Variants in SMOC2 observed in about 807,000 individuals in gnomAD.
SMOC2 encodes SPARC-related modular calcium-binding protein 2.
Under a neutral mutation model 61.4 loss-of-function variants are expected in SMOC2, and 39 were observed. That is an observed-to-expected ratio of 0.64 (90% CI 0.49 to 0.83). The LOEUF is 0.83. SMOC2 is among the 40% of genes least tolerant of loss of function. The probability of loss-of-function intolerance (pLI) is 0.00; values close to 1 mark genes in which losing one functional copy is unlikely to be tolerated. For missense variants in SMOC2, 556 were observed against 592.9 expected, an observed-to-expected ratio of 0.94 and a Z score of 0.65; for synonymous variants, 247 against 239.9, an observed-to-expected ratio of 1.03 and a Z score of -0.27.
intron 9 of SMOC2, among the ~76,000 whole-genome samples, chr6:168,634,364 A>G (rs1269173767): frequency 6.6e-6 from 1 of 152,220 alleles, no homozygotes; most frequent in Non-Finnish European, 1.5e-5. Flanking sequence ...ATTGCATGCG[A>G]TAATTGTGCA....
chr6:168,648,592 C>A (rs929128236), intron 9 of SMOC2, among the ~76,000 whole-genome samples: 1 of 152,314 alleles, frequency 6.6e-6, no homozygotes, highest in East Asian at 1.9e-4. Context: ...AGGGGATGTT[C>A]GATGAGACTG....
chr6:168,659,176 C>A (rs1411899476), intron 11 of SMOC2, among the ~76,000 whole-genome samples: 1 of 151,930 alleles, frequency 6.6e-6, no homozygotes, highest in Non-Finnish European at 1.5e-5. Context: ...ATCTATGTGT[C>A]CTACTATTTT....
chr6:168,487,835 G>A (rs1782371469), intron 1 of SMOC2, among the ~76,000 whole-genome samples: 1 of 152,096 alleles, frequency 6.6e-6, no homozygotes, highest in Non-Finnish European at 1.5e-5. Flanking sequence ...AACATACATG[G>A]CACACAATCT....
chr6:168,631,027 C>T (rs1407693535), intron 9 of SMOC2, among the ~76,000 whole-genome samples: 5 of 151,140 alleles, frequency 3.3e-5, no homozygotes, highest in Non-Finnish European at 7.4e-5. Flanking sequence ...CCTACACTTG[C>T]CTTGTGATAT....
At chr6:168,566,736 T>C (rs1456069272) in intron 7 of SMOC2, among the ~76,000 whole-genome samples, 1 of 152,158 alleles carries the variant, frequency 6.6e-6, no homozygotes, top group Non-Finnish European at 1.5e-5. Context: ...CTTGACCTCA[T>C]GATCTGCCCG....
chr6:168,466,757 T>C (rs1781843459), intron 1 of SMOC2, among the ~76,000 whole-genome samples: 1 of 152,148 alleles, frequency 6.6e-6, no homozygotes, highest in Non-Finnish European at 1.5e-5. Flanking sequence ...CCAAGGCCGG[T>C]GGAGGGAGGA....
chr6:168,609,493 G>A (rs1023885191), intron 9 of SMOC2, among the ~76,000 whole-genome samples: 18 of 152,292 alleles, frequency 1.2e-4, no homozygotes, highest in Middle Eastern at 3.4e-3. Flanking sequence ...CCCTGTGCAT[G>A]CCTAGTGAAG....
At chr6:168,632,133 T>C (rs983759572) in intron 9 of SMOC2, among the ~76,000 whole-genome samples, 2 of 152,244 alleles carry the variant, frequency 1.3e-5, no homozygotes, top group Non-Finnish European at 2.9e-5. Context: ...ATCTGAAATT[T>C]TGTCAATGAC....
intron 7 of SMOC2, among the ~76,000 whole-genome samples, chr6:168,563,820 A>G (rs1784480401): frequency 6.6e-6 from 1 of 152,142 alleles, no homozygotes; most frequent in Non-Finnish European, 1.5e-5. Context: ...GGAGCACAGC[A>G]GCACAGGCCC....
chr6:168,447,074 T>C (rs1381599843), intron 1 of SMOC2, among the ~76,000 whole-genome samples: 1 of 152,140 alleles, frequency 6.6e-6, no homozygotes, highest in Non-Finnish European at 1.5e-5. Context: ...CATCTATTTG[T>C]TTTCTTTTTT....
intron 7 of SMOC2, among the ~76,000 whole-genome samples, chr6:168,567,479 A>C (rs1426471804): frequency 6.6e-6 from 1 of 152,092 alleles, no homozygotes; most frequent in Non-Finnish European, 1.5e-5. Flanking sequence ...TTTGTGTTTA[A>C]AATACTGCCT....
At chr6:168,552,016 A>G (rs1354203145) in intron 7 of SMOC2, among the ~76,000 whole-genome samples, 1 of 152,208 alleles carries the variant, frequency 6.6e-6, no homozygotes, top group Non-Finnish European at 1.5e-5. Flanking sequence ...ATTTGGTTTA[A>G]GTCAGCCGAG....
chr6:168,610,324 C>T (rs559344242), intron 9 of SMOC2, among the ~76,000 whole-genome samples: 1 of 152,344 alleles, frequency 6.6e-6, no homozygotes, highest in African/African-American at 2.4e-5. Context: ...CAAAGGTCAG[C>T]TTGTGCTGTT....
At position 168,536,566 on chromosome 6, in the gene SMOC2, T is replaced by C. The variant is rs535203230; in HGVS notation, c.464-7059T>C. Among the ~76,000 whole-genome samples, 4 of 152,246 alleles carry C rather than the reference T, an allele frequency of 2.6e-5. No individual in the cohort carries two copies. The South Asian group carries it at 8.3e-4, about 32-fold the overall frequency. ...TCCTACCACTTCCAGTCATGTTATC[T>C]TGAGGATTATTTGACCATGGGCACT... On this transcript the variant is annotated intron_variant, in intron 4 of 12. Transcript: ENST00000356284.
rs886358039 is a variant in SMOC2, at chr6:168,452,463, G to A, written c.84+11009G>A. On this transcript the variant is annotated intron_variant, in intron 1 of 12. Coordinates refer to ENST00000356284, the MANE Select transcript of SMOC2 (RefSeq NM_001166412.2). The surrounding 1 kb of genome is among the most constrained non-coding windows in gnomAD (Gnocchi z 5.0). Reference sequence around the variant, plus strand: ...GTGAGGTCAGTCCACTTTGTGAGTCGGGTTTTATTCAAAGCAATCGCTTAA... The same window carrying A: ...GTGAGGTCAGTCCACTTTGTGAGTCAGGTTTTATTCAAAGCAATCGCTTAA... Among the ~76,000 whole-genome samples the A allele has an allele frequency of 2.0e-5, 3 of 152,050 alleles. No homozygotes were observed. The highest frequency in any genetic ancestry group is 2.9e-5 in the Non-Finnish European group (2 of 68,014).
intron 8 of SMOC2, among the ~76,000 whole-genome samples, chr6:168,607,771 A>T (rs1785738432): frequency 7.8e-5 from 4 of 51,358 alleles, no homozygotes; most frequent in Middle Eastern, 7.4e-3. Context: ...GAAACAACCC[A>T]AGTGCTTCCT....
intron 9 of SMOC2, among the ~76,000 whole-genome samples, chr6:168,627,589 T>C (rs1786447803): frequency 6.6e-6 from 1 of 152,218 alleles, no homozygotes; most frequent in Non-Finnish European, 1.5e-5. Flanking sequence ...AAATCAATTA[T>C]AAACTTCCAT....
chr6:168,624,151 AC>A (rs1291942627), intron 9 of SMOC2, among the ~76,000 whole-genome samples: 1 of 152,206 alleles, frequency 6.6e-6, no homozygotes, highest in Non-Finnish European at 1.5e-5. Context: ...GAGAACTTAG[AC>A]GGTGTCAGCC....
At chr6:168,650,335 G>A (rs543810627) in intron 9 of SMOC2, among the ~76,000 whole-genome samples, 9 of 152,258 alleles carry the variant, frequency 5.9e-5, no homozygotes, top group East Asian at 1.9e-4. Context: ...TGCTCTCAGC[G>A]TGCACTCCGT....
Sources: allele counts gnomAD v4.1 joint callset (sites outside exome capture counted in the v4.1 genomes callset), GRCh38; gene constraint gnomAD v4.1.1; non-coding constraint Gnocchi (gnomAD v3.1); transcripts MANE v1.5; gene names NCBI Gene and HGNC (gene_info 2026-07-23, HGNC 2026-07-21).